The following VSTM2B variants were observed in gnomAD, a reference collection of about 807,000 sequenced individuals.
The protein encoded by VSTM2B is V-set and transmembrane domain containing 2B.
In VSTM2B, 24 loss-of-function variants were observed where a neutral mutation model predicts 24.0. That is an observed-to-expected ratio of 1.00 (90% CI 0.72 to 1.40). VSTM2B has a LOEUF of 1.40. Ranked by LOEUF, VSTM2B falls within the 40% of genes most tolerant of loss-of-function variation. The pLI is 0.00. For missense variants in VSTM2B, 399 were observed against 416.4 expected (o/e 0.96, Z 0.36); for synonymous variants, 226 against 194.4 (o/e 1.16, Z -1.35).
chr19:29,546,619 G>A (rs1389506109), intron 4 of VSTM2B, among the ~76,000 whole-genome samples: 6 of 152,348 alleles, frequency 3.9e-5, no homozygotes, highest in Non-Finnish European at 7.3e-5. Context: ...CCCCTCAGGT[G>A]AGGAATGGGC....
chr19:29,529,044 G>C (rs1234547400), intron 3 of VSTM2B: 1 of 985,370 alleles, frequency 1.0e-6, no homozygotes, highest in Admixed American at 6.1e-5. Flanking sequence ...TTCCCACCTG[G>C]AGCGTAGAAA....
intron 4 of VSTM2B, among the ~76,000 whole-genome samples, chr19:29,544,024 G>T (rs902046241): frequency 2.0e-5 from 3 of 151,856 alleles, no homozygotes; most frequent in Non-Finnish European, 2.9e-5. Context: ...ACATATTGGG[G>T]TTCCATGAAG....
chr19:29,541,417 G>C (rs1328472406), intron 4 of VSTM2B, among the ~76,000 whole-genome samples: 4 of 152,150 alleles, frequency 2.6e-5, no homozygotes, highest in Non-Finnish European at 4.4e-5. Context: ...TGAGTGAAGG[G>C]AAGGATGTGT....
chr19:29,527,702 T>G (rs558467426), intron 2 of VSTM2B, among the ~76,000 whole-genome samples: 1 of 152,262 alleles, frequency 6.6e-6, no homozygotes, highest in East Asian at 1.9e-4. Context: ...CTCTGATGGG[T>G]GCTGGGTAGT....
intron 4 of VSTM2B, among the ~76,000 whole-genome samples, chr19:29,555,148 C>A (rs922485133): frequency 1.3e-5 from 2 of 152,162 alleles, no homozygotes; most frequent in Non-Finnish European, 2.9e-5. Flanking sequence ...TAAAATCGAT[C>A]ACAAAATTGG....
In VSTM2B at chr19:29,529,811, T is replaced by C; in HGVS notation, c.298-8T>C. ...CCCAGCCCGGCCTCTAACCCTGCTC[T>C]CTTGCAGACCGTACGCGTCCAGGGC... On this transcript the variant is annotated splice_region_variant and splice_polypyrimidine_tract_variant and intron_variant, in intron 3 of 4. Coordinates refer to ENST00000335523, the MANE Select transcript of VSTM2B (RefSeq NM_001146339.2). The C allele has an allele frequency of 6.5e-7, 1 of 1,548,070 alleles. No homozygotes were observed. The highest frequency in any genetic ancestry group is 8.7e-7 in the Non-Finnish European group (1 of 1,145,864).
rs950919529 is a variant in VSTM2B at position 29,526,694 on chromosome 19, G to A, written c.82+29G>A. 1 of 1,517,402 alleles carries A rather than the reference G, an allele frequency of 6.6e-7. No homozygotes were observed. The highest frequency in any genetic ancestry group is 2.0e-5 in the Admixed American group (1 of 50,072). 94.0% of individuals were successfully genotyped at this position (1,517,402 alleles called of 1,614,324 possible). A position where few individuals can be genotyped will look rare whatever the true frequency, so the allele number is the denominator to read the frequency against. On this transcript the variant is annotated intron_variant, in intron 1 of 4. Transcript: ENST00000335523. The surrounding 1 kb of genome is among the most constrained non-coding windows in gnomAD (Gnocchi z 4.1). ...AGCGCGGGAACTTTGCTGCCGCTGT[G>A]GACTCGGGGGGGTCTTTGCTGGGGC...
At chr19:29,552,315 A>G (rs16962968) in intron 4 of VSTM2B, among the ~76,000 whole-genome samples, 28,797 of 152,214 alleles carry the variant, frequency 0.19, 3,928 homozygotes, top group African/African-American at 0.38. Flanking sequence ...TTCTTTTGCC[A>G]AAGATCCAGG....
At chr19:29,549,735 A>G (rs1055807718) in intron 4 of VSTM2B, among the ~76,000 whole-genome samples, 6 of 152,186 alleles carry the variant, frequency 3.9e-5, no homozygotes, top group Admixed American at 1.3e-4. Flanking sequence ...CAGGATGGCT[A>G]CTAGATGCCC....
chr19:29,550,829 G>GAA lies in VSTM2B; in HGVS notation c.770-13005_770-13004dup, dbSNP rs74786680. On this transcript the variant is annotated intron_variant, in intron 4 of 4. Coordinates refer to ENST00000335523, the MANE Select transcript of VSTM2B (RefSeq NM_001146339.2). ...CATTTTACTTACTCTTCTCAAACCT[G>GAA]AAAAAAAAAAAAAGCAGCACTGTTT... Among the ~76,000 whole-genome samples the GAA allele has an allele frequency of 2.2e-3, 303 of 140,206 alleles. 6 individuals carry two copies. The East Asian group carries it at 0.052, about 24-fold the overall frequency. 92.0% of individuals were successfully genotyped at this position (140,206 alleles called of 152,430 possible).
At chr19:29,532,410 G>A (rs1328364738) in intron 4 of VSTM2B, among the ~76,000 whole-genome samples, 5 of 152,172 alleles carry the variant, frequency 3.3e-5, no homozygotes, top group Non-Finnish European at 7.3e-5. Flanking sequence ...TACAGGCAGT[G>A]CTCAGGGAGA....
At chr19:29,555,747 A>C (rs1380228181) in intron 4 of VSTM2B, among the ~76,000 whole-genome samples, 1 of 152,204 alleles carries the variant, frequency 6.6e-6, no homozygotes, top group East Asian at 1.9e-4. Context: ...CCCCACAGAA[A>C]TACAAACAAC....
upstream of VSTM2B, chr19:29,525,439 G>T (rs1969533316): frequency 6.6e-6 from 1 of 151,796 alleles, no homozygotes; most frequent in Non-Finnish European, 1.5e-5. Context: ...CTGCGGGCTG[G>T]CTAGCGTGTG....
chr19:29,557,707 A>T (rs1196142832), intron 4 of VSTM2B, among the ~76,000 whole-genome samples: 3 of 152,120 alleles, frequency 2.0e-5, no homozygotes, highest in Non-Finnish European at 4.4e-5. Flanking sequence ...CTCAAAAAAA[A>T]AAAAAAGACT....
At chr19:29,529,694 A>G in intron 3 of VSTM2B, 125 bp from the exon 4 acceptor site, 1 of 960,358 alleles carries the variant, frequency 1.0e-6, no homozygotes, top group Non-Finnish European at 1.6e-6. Context: ...CCGGATCGTG[A>G]TGGTGGGCAA....
At chr19:29,530,832 G>T (rs1444229869) in intron 4 of VSTM2B, among the ~76,000 whole-genome samples, 1 of 152,150 alleles carries the variant, frequency 6.6e-6, no homozygotes, top group Non-Finnish European at 1.5e-5. Context: ...CTAAATGCAG[G>T]ATGGCCCTAG....
At chr19:29,530,386 C>T (rs558327085) in intron 4 of VSTM2B, 96 bp downstream of exon 4, 4 of 1,169,642 alleles carry the variant, frequency 3.4e-6, no homozygotes, top group African/African-American at 1.6e-5. Flanking sequence ...AGGACCCGCC[C>T]CCTGGGCGCA....
At chr19:29,539,773 T>C (rs1247718140) in intron 4 of VSTM2B, among the ~76,000 whole-genome samples, 1 of 152,248 alleles carries the variant, frequency 6.6e-6, no homozygotes, top group African/African-American at 2.4e-5. Context: ...AGGACAGAGA[T>C]ACCACCTCTG....
chr19:29,537,779 G>A (rs946438770), intron 4 of VSTM2B, among the ~76,000 whole-genome samples: 4 of 120,936 alleles, frequency 3.3e-5, no homozygotes, highest in Non-Finnish European at 6.8e-5. Context: ...CCTGCTCCAT[G>A]CAGCTCAGAA....
Sources: allele counts gnomAD v4.1 joint callset (sites outside exome capture counted in the v4.1 genomes callset), GRCh38; gene constraint gnomAD v4.1.1; non-coding constraint Gnocchi (gnomAD v3.1); transcripts MANE v1.5; gene names NCBI Gene and HGNC (gene_info 2026-07-23, HGNC 2026-07-21).